PKN2: variants seen among roughly 807,000 people sequenced by gnomAD.
The protein encoded by PKN2 is serine/threonine-protein kinase N2.
Under a neutral mutation model 119.1 loss-of-function variants are expected in PKN2, and 38 were observed. That is an observed-to-expected ratio of 0.32 (90% CI 0.25 to 0.42). PKN2 has a LOEUF of 0.42. Ranked by LOEUF, PKN2 falls within the 10% of genes least tolerant of loss-of-function variation. PKN2 has a pLI of 1.00. For synonymous variants in PKN2, 390 were observed against 384.9 expected (o/e 1.01, Z -0.15); for missense variants, 850 against 1,165.1 (o/e 0.73, Z 3.94).
chr1:88,784,666 G>A lies in PKN2; in HGVS notation c.1013G>A (p.Cys338Tyr), dbSNP rs1303851116. 1 of 1,586,646 alleles carries A rather than the reference G, an allele frequency of 6.3e-7. No homozygotes were observed. The change falls in exon 7 of 22, where the codon TGC (cysteine) becomes TAC (tyrosine). Residue 338 changes from cysteine (C) to tyrosine (Y), a missense_variant. By Grantham distance (194) the Cys-to-Tyr change is radical. Transcript: ENST00000370521. Reference protein sequence around the residue: ...TGTLEVRLMGCQDILENVPGR... With the variant: ...TGTLEVRLMGYQDILENVPGR... Reference sequence around the variant, plus strand: ...ACTTTGGAAGTTCGTCTTATGGGCTGCCAAGATATCCTAGAGAATGTCCCT... The same window carrying A: ...ACTTTGGAAGTTCGTCTTATGGGCTACCAAGATATCCTAGAGAATGTCCCT...
intron 1 of PKN2, among the ~76,000 whole-genome samples, chr1:88,703,809 G>A (rs1666865200): frequency 6.6e-6 from 1 of 151,968 alleles, no homozygotes; most frequent in African/African-American, 2.4e-5. Context: ...GACCCAGAGA[G>A]GTTTAAGTGA....
chr1:88,752,634 C>A (rs1001526215), intron 2 of PKN2, among the ~76,000 whole-genome samples: 1 of 152,118 alleles, frequency 6.6e-6, no homozygotes, highest in Non-Finnish European at 1.5e-5. Flanking sequence ...ATTGAACCTT[C>A]TATTAAAATG....
intron 16 of PKN2, among the ~76,000 whole-genome samples, chr1:88,819,682 A>G (rs946936914): frequency 3.3e-5 from 5 of 152,180 alleles, no homozygotes; most frequent in Non-Finnish European, 7.4e-5. Context: ...CCAAAGGATT[A>G]TAAATTCTGT....
intron 1 of PKN2, among the ~76,000 whole-genome samples, chr1:88,713,102 A>G (rs1667303073): frequency 6.6e-6 from 1 of 152,158 alleles, no homozygotes; most frequent in Admixed American, 6.6e-5. Context: ...AAGGAAGTGA[A>G]CTCATCCTTT....
chr1:88,757,300 A>G (rs1258261721), intron 2 of PKN2, among the ~76,000 whole-genome samples: 2 of 152,200 alleles, frequency 1.3e-5, no homozygotes, highest in Non-Finnish European at 2.9e-5. Context: ...ATTATTTTAC[A>G]TCCTAGCCTA....
chr1:88,799,096 A>C (rs968118525), intron 8 of PKN2, among the ~76,000 whole-genome samples: 2 of 152,210 alleles, frequency 1.3e-5, no homozygotes, highest in African/African-American at 4.8e-5. Context: ...AATAATTAGG[A>C]GTCTTTGGAA....
chr1:88,797,570 A>G (rs1225543561), intron 8 of PKN2, among the ~76,000 whole-genome samples: 1 of 150,388 alleles, frequency 6.6e-6, no homozygotes, highest in Non-Finnish European at 1.5e-5. Context: ...TGAATCTGGG[A>G]GGCAGAAGTT....
rs28546628 is a variant in PKN2, at chr1:88,773,463, A to G, written c.985+1584A>G. Among the ~76,000 whole-genome samples, 833 of 151,548 alleles carry G rather than the reference A, an allele frequency of 5.5e-3. 5 individuals carry two copies. The highest frequency in any genetic ancestry group is 0.019 in the African/African-American group (802 of 41,306). On this transcript the variant is annotated intron_variant, in intron 6 of 21. Coordinates refer to ENST00000370521, the MANE Select transcript of PKN2 (RefSeq NM_006256.4). ...CTGCATGTGCCACTGCACCTGGCTA[A>G]TTTCTGTATTTTTAGTAGAGACAGG...
Position 88,828,429 on chromosome 1 carries a change from A to T in PKN2, c.2420-52A>T. On this transcript the variant is annotated intron_variant, in intron 18 of 21. Transcript: ENST00000370521. The stretch of plus-strand genomic sequence containing the variant: ...CAAAGATAGCTTTGATTTTTTTTTT[A>T]TGCTAGATTTGTTTTCTTTGCTAAC... 7.5e-6 allele frequency: 11 copies of T among 1,463,818 alleles called. No individual in the cohort carries two copies. Among genetic ancestry groups the T allele is most frequent in the Admixed American group, 2.0e-5 (1 of 50,642 alleles). The allele number at this position is 1,463,818 out of a possible 1,614,324, so 90.7% of individuals were successfully genotyped here. A position where few individuals can be genotyped will look rare whatever the true frequency, so the allele number is the denominator to read the frequency against.
At position 88,786,329 on chromosome 1, in the gene PKN2, G is replaced by C. The variant is rs1670572277; in HGVS notation, c.1281+116G>C. 8 of 525,606 alleles carry C rather than the reference G, an allele frequency of 1.5e-5. No homozygotes were observed. The South Asian group carries it at 2.6e-4, about 17-fold the overall frequency. 32.6% of individuals were successfully genotyped at this position (525,606 alleles called of 1,614,324 possible). A position where few individuals can be genotyped will look rare whatever the true frequency, so the allele number is the denominator to read the frequency against. On this transcript the variant is annotated intron_variant, in intron 8 of 21. Coordinates refer to ENST00000370521, the MANE Select transcript of PKN2 (RefSeq NM_006256.4). ...TTAACAAGAATAAAAATAGAACTTA[G>C]ATTTTTTTTTTACATTTCTTATTCA...
intron 7 of PKN2, 50 bp downstream of exon 7, chr1:88,784,874 A>T (rs755879106): frequency 8.8e-7 from 1 of 1,140,512 alleles, no homozygotes; most frequent in Non-Finnish European, 1.2e-6. Flanking sequence ...AAGTGCTTAT[A>T]CAAGGGATTT....
At chr1:88,794,450 G>A (rs1670978899) in intron 8 of PKN2, among the ~76,000 whole-genome samples, 1 of 151,600 alleles carries the variant, frequency 6.6e-6, no homozygotes, top group South Asian at 2.1e-4. Context: ...AAAGCACCTA[G>A]AATAATTAGC....
At chr1:88,726,267 G>A (rs1667894194) in intron 1 of PKN2, among the ~76,000 whole-genome samples, 1 of 152,116 alleles carries the variant, frequency 6.6e-6, no homozygotes, top group South Asian at 2.1e-4. Flanking sequence ...CGATCTTGGG[G>A]AAAAGCATTT....
At chr1:88,723,708 T>C (rs1479025795) in intron 1 of PKN2, among the ~76,000 whole-genome samples, 1 of 152,188 alleles carries the variant, frequency 6.6e-6, no homozygotes, top group Non-Finnish European at 1.5e-5. Context: ...GTATCCTTTT[T>C]ATGTTTTCAT....
intron 1 of PKN2, among the ~76,000 whole-genome samples, chr1:88,710,582 C>G (rs1667188428): frequency 6.6e-6 from 1 of 152,094 alleles, no homozygotes; most frequent in South Asian, 2.1e-4. Context: ...TACAGAAATG[C>G]AAATCAAAAC....
In PKN2 at chr1:88,746,972, C is replaced by G. The variant is rs1668796876; in HGVS notation, c.349+5684C>G. On this transcript the variant is annotated intron_variant, in intron 2 of 21. Transcript: ENST00000370521. ...TGCAACATGGATGAACCTAGAGGAC[C>G]TTATGCTAAATGAAATAAACCAGAC... Among the ~76,000 whole-genome samples, 3 of 152,086 alleles carry G rather than the reference C, an allele frequency of 2.0e-5. No homozygotes were observed. The South Asian group carries it at 6.2e-4, about 32-fold the overall frequency.
In PKN2 at chr1:88,786,322, G is replaced by T. The variant is rs532060079; in HGVS notation, c.1281+109G>T. ...TGTATTCTTAACAAGAATAAAAATA[G>T]AACTTAGATTTTTTTTTTACATTTC... On this transcript the variant is annotated intron_variant, in intron 8 of 21. Transcript: ENST00000370521. 41 of 543,620 alleles carry T rather than the reference G, an allele frequency of 7.5e-5. No individual in the cohort carries two copies. In the African/African-American group the frequency reaches 7.9e-4, roughly 11 times the overall value. The allele number at this position is 543,620 out of a possible 1,614,324, so 33.7% of individuals were successfully genotyped here.
intron 2 of PKN2, among the ~76,000 whole-genome samples, chr1:88,751,820 C>T (rs1473129218): frequency 6.6e-6 from 1 of 152,092 alleles, no homozygotes. Context: ...AAGACGATTT[C>T]CCCTTTATAT....
At chr1:88,768,962 G>A (rs1669774675) in intron 3 of PKN2, among the ~76,000 whole-genome samples, 1 of 151,150 alleles carries the variant, frequency 6.6e-6, no homozygotes, top group African/African-American at 2.4e-5. Flanking sequence ...AGAGAGAGAG[G>A]AGGAAGTGCC....
Sources: gnomAD v4.1 joint callset for allele counts (sites outside exome capture counted in the v4.1 genomes callset) on GRCh38, gnomAD v4.1.1 for gene constraint, MANE v1.5 for transcripts, NCBI Gene and HGNC (gene_info 2026-07-23, HGNC 2026-07-21) for gene names.